CNTNAP4: variants seen among roughly 807,000 people sequenced by gnomAD.
CNTNAP4 encodes the protein contactin associated protein family member 4.
CNTNAP4 carries 98 observed loss-of-function variants against 148.4 expected under a neutral mutation model. That is an observed-to-expected ratio of 0.66 (90% CI 0.56 to 0.78). The LOEUF (loss-of-function observed/expected upper bound fraction) is 0.78, where lower values mean the gene tolerates loss of function less well. Among genes scored for constraint, CNTNAP4 ranks in the 30% least tolerant of loss-of-function variants. CNTNAP4 has a pLI of 0.00. For missense variants in CNTNAP4, 1,935 were observed against 1,565.6 expected (o/e 1.24, Z -3.98); for synonymous variants, 730 against 565.1 (o/e 1.29, Z -4.14).
chr16:76,490,615 C>T (rs2082183765), intron 13 of CNTNAP4, among the ~76,000 whole-genome samples: 1 of 152,148 alleles, frequency 6.6e-6, no homozygotes, highest in African/African-American at 2.4e-5. Context: ...AATGCAAAAT[C>T]CAAAATATTA....
chr16:76,413,303 A>G (rs1407868825), intron 3 of CNTNAP4, among the ~76,000 whole-genome samples: 1 of 151,328 alleles, frequency 6.6e-6, no homozygotes, highest in East Asian at 1.9e-4. Flanking sequence ...CTCTATGTCC[A>G]TGAACTCAAC....
chr16:76,475,465 G>A lies in CNTNAP4; in HGVS notation c.1656-474G>A, dbSNP rs550812479. On this transcript the variant is annotated intron_variant, in intron 10 of 23. Coordinates refer to ENST00000611870, the MANE Select transcript of CNTNAP4 (RefSeq NM_033401.5). Reference sequence around the variant, plus strand: ...CTTAGAGCACCCCAACACACTGCTTGAAATTTGTGAGCCTATACTGTGTAT... The same window carrying A: ...CTTAGAGCACCCCAACACACTGCTTAAAATTTGTGAGCCTATACTGTGTAT... Among the ~76,000 whole-genome samples, 5 of 152,290 alleles carry A rather than the reference G, an allele frequency of 3.3e-5. No individual in the cohort carries two copies. The East Asian group carries it at 9.7e-4, about 29-fold the overall frequency.
intron 15 of CNTNAP4, among the ~76,000 whole-genome samples, chr16:76,503,991 AT>A (rs1236513140): frequency 6.6e-6 from 1 of 152,052 alleles, no homozygotes; most frequent in Non-Finnish European, 1.5e-5. Flanking sequence ...GAATTAAAAG[AT>A]TTGATAAGAT....
At chr16:76,328,139 A>C (rs750417436) in intron 2 of CNTNAP4, among the ~76,000 whole-genome samples, 3 of 152,240 alleles carry the variant, frequency 2.0e-5, no homozygotes, top group Non-Finnish European at 4.4e-5. Flanking sequence ...AGATGTGTAT[A>C]ACAACTTCAA....
intron 3 of CNTNAP4, among the ~76,000 whole-genome samples, chr16:76,367,060 T>C (rs1229421529): frequency 2.0e-5 from 3 of 151,700 alleles, no homozygotes; most frequent in African/African-American, 4.8e-5. Flanking sequence ...TTAATATATA[T>C]TAATTAAAAC....
intron 12 of CNTNAP4, among the ~76,000 whole-genome samples, chr16:76,482,432 AT>A (rs57722242): frequency 1.5e-3 from 196 of 130,620 alleles, no homozygotes; most frequent in African/African-American, 1.6e-3. Flanking sequence ...GTTTTACACA[AT>A]TTTTTTTTTT....
At chr16:76,346,103 GAT>G (rs1180790519) in intron 2 of CNTNAP4, among the ~76,000 whole-genome samples, 1 of 152,096 alleles carries the variant, frequency 6.6e-6, no homozygotes, top group Non-Finnish European at 1.5e-5. Flanking sequence ...AATTCTATAA[GAT>G]ATGTGTATTC....
At chr16:76,291,249 T>A (rs1284467845) in intron 1 of CNTNAP4, among the ~76,000 whole-genome samples, 2 of 152,182 alleles carry the variant, frequency 1.3e-5, no homozygotes, top group Non-Finnish European at 2.9e-5. Flanking sequence ...GTAGATACAT[T>A]GCTTTTACAG....
At chr16:76,443,929 T>G (rs2080139425) in intron 4 of CNTNAP4, among the ~76,000 whole-genome samples, 1 of 152,202 alleles carries the variant, frequency 6.6e-6, no homozygotes, top group South Asian at 2.1e-4. Flanking sequence ...TGGTCATTGA[T>G]GTGAAATCCA....
intron 21 of CNTNAP4, among the ~76,000 whole-genome samples, chr16:76,551,864 A>T (rs2084965160): frequency 6.6e-6 from 1 of 152,204 alleles, no homozygotes; most frequent in African/African-American, 2.4e-5. Flanking sequence ...CCATATTATT[A>T]TATTTTCAAA....
intron 3 of CNTNAP4, among the ~76,000 whole-genome samples, chr16:76,404,749 G>T (rs6564329): frequency 0.84 from 127,951 of 152,098 alleles, 54,032 homozygotes; most frequent in African/African-American, 0.87. Context: ...AATTGTGAAT[G>T]TAAGCACTCA....
rs546577978 is a variant in CNTNAP4, at chr16:76,472,581, TG to T, written c.1656-3357del. 5.3e-4 allele frequency among the ~76,000 whole-genome samples: 80 copies of T among 149,944 alleles called. 1 individual carries two copies. Among genetic ancestry groups the T allele is most frequent in the African/African-American group, 1.9e-3 (78 of 40,262 alleles). On this transcript the variant is annotated intron_variant, in intron 10 of 23. Transcript: ENST00000611870. ...TCCATCTATGTTCCTGCAAAGGACG[TG>T]ATGTCATTCTTTTTTATGGCTGCAT...
At position 76,506,631 on chromosome 16, in the gene CNTNAP4, C is replaced by T; in HGVS notation, c.2365+7937C>T. Among the ~76,000 whole-genome samples the T allele has an allele frequency of 2.2e-5, 2 of 92,934 alleles. 1 individual carries two copies. Among genetic ancestry groups the T allele is most frequent in the Non-Finnish European group, 6.1e-5 (2 of 32,782 alleles). The allele number at this position is 92,934 out of a possible 152,430, so 61.0% of individuals were successfully genotyped here. A position where few individuals can be genotyped will look rare whatever the true frequency, so the allele number is the denominator to read the frequency against. ...GATTACAGGCGTGTGCCACCAGGACCAGTTAATTTTTGTGTTTTTAGTAGA... is the reference window on the plus strand; with the variant it reads ...GATTACAGGCGTGTGCCACCAGGACTAGTTAATTTTTGTGTTTTTAGTAGA... On this transcript the variant is annotated intron_variant, in intron 15 of 23. Coordinates refer to ENST00000611870, the MANE Select transcript of CNTNAP4 (RefSeq NM_033401.5).
At chr16:76,288,764 T>C (rs986968349) in intron 1 of CNTNAP4, among the ~76,000 whole-genome samples, 2 of 152,258 alleles carry the variant, frequency 1.3e-5, no homozygotes, top group East Asian at 3.9e-4. Context: ...AAACAATACG[T>C]TGATGGATGA....
chr16:76,385,418 G>A (rs746985466), intron 3 of CNTNAP4, among the ~76,000 whole-genome samples: 46 of 152,018 alleles, frequency 3.0e-4, no homozygotes, highest in Non-Finnish European at 5.0e-4. Flanking sequence ...ATTCAAACCT[G>A]AAAAATACAG....
intron 4 of CNTNAP4, among the ~76,000 whole-genome samples, chr16:76,435,611 A>G (rs1184564118): frequency 1.3e-5 from 2 of 152,132 alleles, no homozygotes; most frequent in East Asian, 3.9e-4. Flanking sequence ...GTGTTGGTCA[A>G]GGGTATATCT....
intron 3 of CNTNAP4, among the ~76,000 whole-genome samples, chr16:76,399,824 T>C (rs74026762): frequency 0.041 from 6,300 of 152,300 alleles, 460 homozygotes; most frequent in African/African-American, 0.15. Flanking sequence ...ATTAGTCATG[T>C]ATCACACTTA....
At chr16:76,278,079 CT>C (rs1204394737) in intron 1 of CNTNAP4, among the ~76,000 whole-genome samples, 1 of 152,124 alleles carries the variant, frequency 6.6e-6, no homozygotes, top group African/African-American at 2.4e-5. Flanking sequence ...TTCATTTCTT[CT>C]TTTTTAAAGA....
intron 1 of CNTNAP4, among the ~76,000 whole-genome samples, chr16:76,307,680 GCT>G (rs1960642634): frequency 6.6e-6 from 1 of 151,722 alleles, no homozygotes; most frequent in Non-Finnish European, 1.5e-5. Flanking sequence ...GATCTCTGAT[GCT>G]CTCTTTACTT....
Sources: gnomAD v4.1 joint callset for allele counts (sites outside exome capture counted in the v4.1 genomes callset) on GRCh38, gnomAD v4.1.1 for gene constraint, MANE v1.5 for transcripts, NCBI Gene and HGNC (gene_info 2026-07-23, HGNC 2026-07-21) for gene names.